The following NHLH2 variants were observed in gnomAD, a reference collection of about 807,000 sequenced individuals.
NHLH2 encodes helix-loop-helix protein 2.
Under a neutral mutation model 7.3 loss-of-function variants are expected in NHLH2, and 7 were observed. The observed-to-expected ratio is 0.96, with a 90% CI of 0.55 to 1.81. NHLH2 has a LOEUF of 1.81. Among genes scored for constraint, NHLH2 ranks in the 40% most tolerant of loss-of-function variants. The pLI is 0.00. For missense variants in NHLH2, 155 were observed against 194.0 expected (o/e 0.80, Z 1.19); for synonymous variants, 93 against 91.6 (o/e 1.01, Z -0.09).
Position 115,838,446 on chromosome 1 carries a change from C to G in NHLH2, c.-8-66G>C, listed in dbSNP as rs1280342038. The G allele has an allele frequency of 1.4e-5, 21 of 1,532,032 alleles. No homozygotes were observed. The African/African-American group carries it at 1.4e-4, about 10-fold the overall frequency. 94.9% of individuals were successfully genotyped at this position (1,532,032 alleles called of 1,614,324 possible). On this transcript the variant is annotated intron_variant, in intron 2 of 2. Coordinates refer to ENST00000320238, the MANE Select transcript of NHLH2 (RefSeq NM_005599.3). ...GGTATTTTGCTGGAAGGATGGCTGCCGAGGCCTACCACGCCGGTCCTCCCA... is the reference window on the plus strand; with the variant it reads ...GGTATTTTGCTGGAAGGATGGCTGCGGAGGCCTACCACGCCGGTCCTCCCA...
At position 115,837,710 on chromosome 1, in the gene NHLH2, G is replaced by A. The variant is rs949959303; in HGVS notation, c.*255C>T. On this transcript the variant is annotated 3_prime_UTR_variant, in exon 3 of 3. Transcript: ENST00000320238. ...TGGCTCATCTCGGGTGTCTCCACGA[G>A]GTTCTCCTGGCCTGGAAAATCCCCC... The A allele has an allele frequency of 2.0e-6, 1 of 493,024 alleles. No homozygotes were observed. The highest frequency in any genetic ancestry group is 2.1e-5 in the African/African-American group (1 of 48,066). 30.5% of individuals were successfully genotyped at this position (493,024 alleles called of 1,614,324 possible).
Position 115,837,016 on chromosome 1 carries a change from A to C in NHLH2, c.*949T>G, listed in dbSNP as rs1025468990. 6.6e-6 allele frequency: 1 copy of C among 152,506 alleles called. No homozygotes were observed. Among genetic ancestry groups the C allele is most frequent in the Non-Finnish European group, 1.5e-5 (1 of 68,036 alleles). 9.4% of individuals were successfully genotyped at this position (152,506 alleles called of 1,614,324 possible). ...ACAAACACGTAAAAAGTTAGACATA[A>C]TTATTCCACAGGAAAAAGTGTAAAC... On this transcript the variant is annotated 3_prime_UTR_variant, in exon 3 of 3. Transcript: ENST00000320238.
At chr1:115,836,059 G>C (rs1163504681), downstream of NHLH2, among the ~76,000 whole-genome samples, 1 of 152,112 alleles carries the variant, frequency 6.6e-6, no homozygotes, top group Non-Finnish European at 1.5e-5. Flanking sequence ...CTAATTTGAA[G>C]AGGCTGGGTT....
At position 115,837,926 on chromosome 1, in the gene NHLH2, G is replaced by C. The variant is rs755473205; in HGVS notation, c.*39C>G. 2.5e-6 allele frequency: 4 copies of C among 1,573,340 alleles called. No individual in the cohort carries two copies. The highest frequency in any genetic ancestry group is 1.4e-5 in the African/African-American group (1 of 71,350). On this transcript the variant is annotated 3_prime_UTR_variant, in exon 3 of 3. Coordinates refer to ENST00000320238, the MANE Select transcript of NHLH2 (RefSeq NM_005599.3). Reference sequence around the variant, plus strand: ...CCCGTCCGGATCCGTAGCGTTTCGCGGACGCCGGGACAGGCGGCCCCCCGC... The same window carrying C: ...CCCGTCCGGATCCGTAGCGTTTCGCCGACGCCGGGACAGGCGGCCCCCCGC...
In NHLH2 at chr1:115,838,158, C is replaced by T; in HGVS notation, c.215G>A (p.Arg72Gln). ...CGAGCGGTACTTGGCCGTGGCGCGC[C>T]GGCGGCGGCGCTTCTCCTCGCGGCT... Reference protein sequence around the residue: ...QLSREEKRRRRRATAKYRSAH... With the variant: ...QLSREEKRRRQRATAKYRSAH... The change falls in exon 3 of 3, where the codon CGG (arginine) becomes CAG (glutamine). Residue 72 changes from arginine to glutamine, a missense_variant. Around this residue, in one of 2 missense-constraint regions of NHLH2, gnomAD observed 64 missense variants for 107.4 expected, o/e 0.60. Coordinates refer to ENST00000320238, the MANE Select transcript of NHLH2 (RefSeq NM_005599.3). The T allele has an allele frequency of 6.3e-7, 1 of 1,585,770 alleles. No individual in the cohort carries two copies. Among genetic ancestry groups the T allele is most frequent in the Non-Finnish European group, 8.6e-7 (1 of 1,167,620 alleles).
downstream of NHLH2, among the ~76,000 whole-genome samples, chr1:115,832,948 G>A (rs1447344360): frequency 6.6e-6 from 1 of 152,218 alleles, no homozygotes; most frequent in African/African-American, 2.4e-5. Flanking sequence ...CCTCTCTGGG[G>A]AAGTGAGGAA....
downstream of NHLH2, among the ~76,000 whole-genome samples, chr1:115,834,637 C>G (rs929844260): frequency 2.0e-5 from 3 of 152,170 alleles, no homozygotes; most frequent in Admixed American, 6.5e-5. Flanking sequence ...TCCAACAGCC[C>G]TCTCTAAAAT....
downstream of NHLH2, among the ~76,000 whole-genome samples, chr1:115,832,213 C>T (rs924601954): frequency 1.3e-5 from 2 of 152,160 alleles, no homozygotes; most frequent in Non-Finnish European, 2.9e-5. Flanking sequence ...TCGAGTGGGG[C>T]TTTCAGACCT....
At chr1:115,833,341 G>C (rs527774782), downstream of NHLH2, among the ~76,000 whole-genome samples, 1 of 152,316 alleles carries the variant, frequency 6.6e-6, no homozygotes, top group Non-Finnish European at 1.5e-5. Flanking sequence ...TTGGCATACA[G>C]AGCACAGGCT....
At chr1:115,832,116 G>A (rs1479340856), downstream of NHLH2, among the ~76,000 whole-genome samples, 1 of 152,082 alleles carries the variant, frequency 6.6e-6, no homozygotes, top group Non-Finnish European at 1.5e-5. Flanking sequence ...CTTCTGACCA[G>A]TCTGCTATAG....
In NHLH2 at chr1:115,837,849, G is replaced by T; in HGVS notation, c.*116C>A. 1 of 1,136,092 alleles carries T rather than the reference G, an allele frequency of 8.8e-7. No individual in the cohort carries two copies. Among genetic ancestry groups the T allele is most frequent in the Non-Finnish European group, 1.2e-6 (1 of 826,112 alleles). The allele number at this position is 1,136,092 out of a possible 1,614,324, so 70.4% of individuals were successfully genotyped here. On this transcript the variant is annotated 3_prime_UTR_variant, in exon 3 of 3. Coordinates refer to ENST00000320238, the MANE Select transcript of NHLH2 (RefSeq NM_005599.3). ...CGAGCTTCTTCCCCGGCCGTCTCTC[G>T]AGGCGGCCGTCTCGCTGGGCCACCG...
chr1:115,838,504 C>G, intron 2 of NHLH2, 124 bp from the exon 3 acceptor site: 1 of 1,109,426 alleles, frequency 9.0e-7, no homozygotes, highest in Non-Finnish European at 1.3e-6. Context: ...CTCCCCACAG[C>G]AGGCCGGCGC....
At chr1:115,835,523 A>T (rs1650846442), downstream of NHLH2, among the ~76,000 whole-genome samples, 1 of 152,188 alleles carries the variant, frequency 6.6e-6, no homozygotes, top group African/African-American at 2.4e-5. Flanking sequence ...ATACACCTTC[A>T]TATAAGGGAG....
At chr1:115,834,898 A>G (rs1650832104), downstream of NHLH2, among the ~76,000 whole-genome samples, 1 of 152,198 alleles carries the variant, frequency 6.6e-6, no homozygotes, top group Admixed American at 6.5e-5. Flanking sequence ...TCATTCAAAG[A>G]AGAATCGAGA....
In NHLH2 at chr1:115,838,459, G is replaced by A. The variant is rs1036656215; in HGVS notation, c.-8-79C>T. 13 of 1,489,532 alleles carry A rather than the reference G, an allele frequency of 8.7e-6. No homozygotes were observed. In the African/African-American group the frequency reaches 1.4e-4, roughly 16 times the overall value. The allele number at this position is 1,489,532 out of a possible 1,614,324, so 92.3% of individuals were successfully genotyped here. A position where few individuals can be genotyped will look rare whatever the true frequency, so the allele number is the denominator to read the frequency against. On this transcript the variant is annotated intron_variant, in intron 2 of 2. Coordinates refer to ENST00000320238, the MANE Select transcript of NHLH2 (RefSeq NM_005599.3). ...AAGGATGGCTGCCGAGGCCTACCAC[G>A]CCGGTCCTCCCAGCGGACGCGCGGC...
intron 1 of NHLH2, 90 bp downstream of exon 1, chr1:115,840,858 G>A (rs1651054237): frequency 6.0e-6 from 1 of 165,578 alleles, no homozygotes; most frequent in South Asian, 2.1e-4. Flanking sequence ...TCACTTACTT[G>A]TATGTTGTAT....
intron 2 of NHLH2, chr1:115,838,673 G>T: frequency 2.7e-6 from 1 of 370,690 alleles, no homozygotes; most frequent in Non-Finnish European, 5.0e-6. Context: ...CCCTGGGCCT[G>T]GGGAACAACC....
downstream of NHLH2, among the ~76,000 whole-genome samples, chr1:115,835,647 CATCT>C (rs1163268987): frequency 6.6e-6 from 1 of 152,186 alleles, no homozygotes; most frequent in Non-Finnish European, 1.5e-5. Context: ...GCCAAGCATC[CATCT>C]AACTGCATTT....
At chr1:115,833,497 G>A (rs994509897), downstream of NHLH2, among the ~76,000 whole-genome samples, 10 of 152,002 alleles carry the variant, frequency 6.6e-5, no homozygotes, top group East Asian at 7.7e-4. Flanking sequence ...TGGTGTGTGA[G>A]TGGCACAGCT....
Sources: allele counts gnomAD v4.1 joint callset (sites outside exome capture counted in the v4.1 genomes callset), GRCh38; gene constraint gnomAD v4.1.1; regional missense constraint gnomAD v4.1.1; transcripts MANE v1.5; gene names NCBI Gene and HGNC (gene_info 2026-07-23, HGNC 2026-07-21).